Variants in CUL3 observed in about 807,000 individuals in gnomAD.
CUL3 encodes cullin-3.
CUL3 carries 19 observed loss-of-function variants against 89.1 expected under a neutral mutation model. The ratio of observed to expected loss-of-function variants is 0.21; its 90% CI spans 0.15 to 0.31. The LOEUF (loss-of-function observed/expected upper bound fraction) is 0.31, where lower values mean the gene tolerates loss of function less well. Among genes scored for constraint, CUL3 ranks in the 10% least tolerant of loss-of-function variants. The probability of loss-of-function intolerance (pLI) is 1.00; values close to 1 mark genes in which losing one functional copy is unlikely to be tolerated. For missense variants in CUL3, 469 were observed against 942.3 expected, an observed-to-expected ratio of 0.50 and a Z score of 6.58; for synonymous variants, 351 against 308.4, an observed-to-expected ratio of 1.14 and a Z score of -1.45.
chr2:224,568,231 T>C (rs1417395585), intron 1 of CUL3, among the ~76,000 whole-genome samples: 2 of 152,248 alleles, frequency 1.3e-5, no homozygotes, highest in Non-Finnish European at 2.9e-5. Context: ...AAACTGTATT[T>C]ACTTAACTAT....
chr2:224,499,371 G>C (rs1324891570), intron 11 of CUL3: 1 of 235,960 alleles, frequency 4.2e-6, no homozygotes, highest in East Asian at 1.0e-4. Context: ...ACAATTACTA[G>C]AATCATTAAG....
At chr2:224,522,461 A>G (rs966462385) in intron 3 of CUL3, among the ~76,000 whole-genome samples, 2 of 152,224 alleles carry the variant, frequency 1.3e-5, no homozygotes, top group Non-Finnish European at 2.9e-5. Flanking sequence ...TTCTAGATAT[A>G]AAAATATTAC....
intron 2 of CUL3, among the ~76,000 whole-genome samples, chr2:224,544,312 A>T (rs1479293411): frequency 6.6e-6 from 1 of 152,234 alleles, no homozygotes; most frequent in Non-Finnish European, 1.5e-5. Flanking sequence ...GATGCCTGCT[A>T]TCTTTCTGGC....
chr2:224,500,595 T>C (rs1463444292), intron 10 of CUL3, 108 bp from the exon 11 acceptor site: 4 of 941,532 alleles, frequency 4.2e-6, no homozygotes, highest in Non-Finnish European at 6.0e-6. Flanking sequence ...CCATGTCTAA[T>C]ATCTAATTTA....
At chr2:224,489,944 C>T (rs1027259710) in intron 13 of CUL3, among the ~76,000 whole-genome samples, 15 of 152,122 alleles carry the variant, frequency 9.9e-5, no homozygotes, top group African/African-American at 3.4e-4. Flanking sequence ...AAAATTTTTG[C>T]GATCTATCCA....
chr2:224,521,850 A>C (rs1211626955), intron 3 of CUL3, among the ~76,000 whole-genome samples: 3 of 152,106 alleles, frequency 2.0e-5, no homozygotes, highest in Non-Finnish European at 4.4e-5. Context: ...TGGTCTTTTA[A>C]GCTAACTGTC....
In CUL3 at chr2:224,513,665, ATAAT is replaced by A. The variant is rs3830376; in HGVS notation, c.540-31_540-28del. On this transcript the variant is annotated intron_variant, in intron 4 of 15. Coordinates refer to ENST00000264414, the MANE Select transcript of CUL3 (RefSeq NM_003590.5). ...TGTCGAAAAAAGTTATTATCACTTG[ATAAT>A]TAAATTACATTTAAAAATTCACATA... 0.22 allele frequency: 306,015 copies of A among 1,396,468 alleles called. 36,023 individuals are homozygous for A. The highest frequency in any genetic ancestry group is 0.41 in the African/African-American group (27,881 of 68,102). The allele number at this position is 1,396,468 out of a possible 1,614,324, so 86.5% of individuals were successfully genotyped here. A position where few individuals can be genotyped will look rare whatever the true frequency, so the allele number is the denominator to read the frequency against.
At chr2:224,550,015 T>A (rs1694452980) in intron 2 of CUL3, among the ~76,000 whole-genome samples, 1 of 152,174 alleles carries the variant, frequency 6.6e-6, no homozygotes, top group Non-Finnish European at 1.5e-5. Flanking sequence ...TCCACTGCAA[T>A]CCTCAATGTA....
chr2:224,520,788 A>T (rs1469557712), intron 3 of CUL3, among the ~76,000 whole-genome samples: 1 of 152,226 alleles, frequency 6.6e-6, no homozygotes, highest in African/African-American at 2.4e-5. Context: ...AAGACCACAG[A>T]TATTACTACT....
At chr2:224,474,694 C>T (rs150188675) in intron 15 of CUL3, among the ~76,000 whole-genome samples, 1 of 152,306 alleles carries the variant, frequency 6.6e-6, no homozygotes, top group African/African-American at 2.4e-5. Flanking sequence ...CTGAGTTATA[C>T]TCAAAACTCA....
intron 1 of CUL3, chr2:224,562,638 A>C (rs1426668307): frequency 1.1e-5 from 1 of 95,114 alleles, no homozygotes; most frequent in South Asian, 3.4e-4. Flanking sequence ...ACTTTGTCTC[A>C]AAAAAAAAAA....
intron 3 of CUL3, among the ~76,000 whole-genome samples, chr2:224,515,695 CTT>C (rs11368683): frequency 4.8e-5 from 7 of 145,302 alleles, no homozygotes; most frequent in Admixed American, 1.4e-4. Context: ...ACTTTCCAAA[CTT>C]TTTTTTTTTT....
intron 2 of CUL3, among the ~76,000 whole-genome samples, chr2:224,554,290 G>T (rs940104268): frequency 1.3e-5 from 2 of 152,152 alleles, no homozygotes; most frequent in Admixed American, 6.5e-5. Flanking sequence ...TCAGAAGATG[G>T]ATGGTTTATT....
chr2:224,492,836 C>T (rs1418681990), intron 13 of CUL3, among the ~76,000 whole-genome samples: 5 of 152,186 alleles, frequency 3.3e-5, no homozygotes, highest in Admixed American at 3.3e-4. Flanking sequence ...CACTACATGT[C>T]TTCCAGGGAA....
chr2:224,524,767 A>G (rs1315477414), intron 3 of CUL3, among the ~76,000 whole-genome samples: 1 of 152,148 alleles, frequency 6.6e-6, no homozygotes, highest in Non-Finnish European at 1.5e-5. Flanking sequence ...ATTTTAAAAC[A>G]CCATGCTTGC....
At chr2:224,500,782 G>A (rs1448992057) in intron 10 of CUL3, among the ~76,000 whole-genome samples, 1 of 151,598 alleles carries the variant, frequency 6.6e-6, no homozygotes, top group African/African-American at 2.4e-5. Flanking sequence ...TGCCCACCAC[G>A]CCTGGCTGAT....
chr2:224,567,556 G>A (rs551164423), intron 1 of CUL3, among the ~76,000 whole-genome samples: 5 of 152,040 alleles, frequency 3.3e-5, no homozygotes, highest in East Asian at 1.9e-4. Flanking sequence ...TGGCTAACAC[G>A]GTGAAACCCC....
intron 2 of CUL3, among the ~76,000 whole-genome samples, chr2:224,537,593 G>A (rs13029125): frequency 0.18 from 28,066 of 151,986 alleles, 2,940 homozygotes; most frequent in South Asian, 0.27. Flanking sequence ...AGCTGAAAAC[G>A]TGCTTATTTT....
intron 1 of CUL3, among the ~76,000 whole-genome samples, chr2:224,576,299 G>C (rs1182795943): frequency 6.6e-6 from 1 of 152,156 alleles, no homozygotes; most frequent in Non-Finnish European, 1.5e-5. Flanking sequence ...GTGAAATGTA[G>C]ACCACAGCTA....
Sources: gnomAD v4.1 joint callset for allele counts (sites outside exome capture counted in the v4.1 genomes callset) on GRCh38, gnomAD v4.1.1 for gene constraint, MANE v1.5 for transcripts, NCBI Gene and HGNC (gene_info 2026-07-23, HGNC 2026-07-21) for gene names.